GNA14: variants seen among roughly 807,000 people sequenced by gnomAD.
GNA14 encodes guanine nucleotide-binding protein subunit alpha-14.
In GNA14, 50 loss-of-function variants were observed where a neutral mutation model predicts 42.0. The observed-to-expected ratio is 1.19, with a 90% confidence interval of 0.95 to 1.51. The LOEUF is 1.51. Among genes scored for constraint, GNA14 ranks in the 40% most tolerant of loss-of-function variants. The probability of loss-of-function intolerance (pLI) is 0.00; values close to 1 mark genes in which losing one functional copy is unlikely to be tolerated. For missense variants in GNA14, 473 were observed against 446.2 expected, an observed-to-expected ratio of 1.06 and a Z score of -0.54; for synonymous variants, 173 against 163.1, an observed-to-expected ratio of 1.06 and a Z score of -0.46.
chr9:77,527,819 G>C (rs1417374675), intron 2 of GNA14, among the ~76,000 whole-genome samples: 1 of 152,148 alleles, frequency 6.6e-6, no homozygotes, highest in Admixed American at 6.5e-5. Flanking sequence ...AATTTTAGTA[G>C]AGACGGGGTT....
At chr9:77,594,361 T>C (rs1018890428) in intron 1 of GNA14, among the ~76,000 whole-genome samples, 1 of 152,182 alleles carries the variant, frequency 6.6e-6, no homozygotes, top group Non-Finnish European at 1.5e-5. Flanking sequence ...ACCAGCACTC[T>C]CCAGCCACTC....
chr9:77,628,742 A>T (rs908193748), intron 1 of GNA14, among the ~76,000 whole-genome samples: 1 of 152,204 alleles, frequency 6.6e-6, no homozygotes, highest in African/African-American at 2.4e-5. Flanking sequence ...TTAACTCAAG[A>T]TGGATTATAG....
chr9:77,487,878 C>G (rs1398480980), intron 2 of GNA14, among the ~76,000 whole-genome samples: 1 of 152,192 alleles, frequency 6.6e-6, no homozygotes. Flanking sequence ...TCAGATCTCA[C>G]TGTCTCACAG....
At chr9:77,587,147 T>C (rs1172685362) in intron 1 of GNA14, among the ~76,000 whole-genome samples, 3 of 151,948 alleles carry the variant, frequency 2.0e-5, no homozygotes, top group Admixed American at 6.6e-5. Flanking sequence ...AAAGAACAAG[T>C]GTTGATGAGG....
At chr9:77,436,437 A>G (rs569691169) in intron 2 of GNA14, among the ~76,000 whole-genome samples, 3 of 152,326 alleles carry the variant, frequency 2.0e-5, no homozygotes, top group East Asian at 3.9e-4. Flanking sequence ...CAGATGTCTA[A>G]TAAGTATTTC....
intron 1 of GNA14, among the ~76,000 whole-genome samples, chr9:77,535,492 TGAGCC>T (rs1837583659): frequency 2.6e-5 from 4 of 152,104 alleles, no homozygotes; most frequent in Admixed American, 2.0e-4. Flanking sequence ...TGCACTGAGC[TGAGCC>T]GAGATCGCGC....
At chr9:77,438,283 TA>T (rs1276591752) in intron 2 of GNA14, among the ~76,000 whole-genome samples, 1 of 150,008 alleles carries the variant, frequency 6.7e-6, no homozygotes, top group African/African-American at 2.5e-5. Flanking sequence ...TTTTTTTTTT[TA>T]AAGACATAGT....
At chr9:77,494,840 C>T (rs1307792897) in intron 2 of GNA14, among the ~76,000 whole-genome samples, 1 of 152,002 alleles carries the variant, frequency 6.6e-6, no homozygotes, top group Admixed American at 6.6e-5. Context: ...CGCTTTGCTG[C>T]CCAGGCTGGA....
At chr9:77,592,906 G>C (rs115311431) in intron 1 of GNA14, among the ~76,000 whole-genome samples, 55 of 152,032 alleles carry the variant, frequency 3.6e-4, no homozygotes, top group African/African-American at 1.3e-3. Context: ...ACTTTTAACT[G>C]AACAAAAAAA....
Position 77,628,542 on chromosome 9 carries a change from A to C in GNA14, c.124+19128T>G, listed in dbSNP as rs111942761. On this transcript the variant is annotated intron_variant, in intron 1 of 6. Transcript: ENST00000341700. ...ATGGTACTGGTACCAAAACAGATAT[A>C]TAGATCAATGGAACAGAACAGAAGC... Among the ~76,000 whole-genome samples, 662 of 152,336 alleles carry C rather than the reference A, an allele frequency of 4.3e-3. 3 individuals carry two copies. The highest frequency in any genetic ancestry group is 0.015 in the African/African-American group (603 of 41,578).
Position 77,564,454 on chromosome 9 carries a change from T to C in GNA14, c.125-35201A>G, listed in dbSNP as rs183730586. On this transcript the variant is annotated intron_variant, in intron 1 of 6. Transcript: ENST00000341700. ...CATTGATACCCAGAGACTACCAGGA[T>C]GGCTAGACCTAATGAGCTCACTTTT... Among the ~76,000 whole-genome samples the C allele has an allele frequency of 3.9e-3, 589 of 152,288 alleles. 4 individuals are homozygous for C. Among genetic ancestry groups the C allele is most frequent in the Middle Eastern group, 0.014 (4 of 294 alleles).
intron 1 of GNA14, among the ~76,000 whole-genome samples, chr9:77,612,191 G>A (rs529305817): frequency 6.6e-6 from 1 of 152,178 alleles, no homozygotes; most frequent in Non-Finnish European, 1.5e-5. Flanking sequence ...AGTAGCAGCT[G>A]GAAAGTAGAC....
At chr9:77,594,205 G>A (rs1390856894) in intron 1 of GNA14, among the ~76,000 whole-genome samples, 4 of 152,216 alleles carry the variant, frequency 2.6e-5, no homozygotes, top group Non-Finnish European at 5.9e-5. Context: ...AAAAAGTCTT[G>A]AGTATAGAAC....
intron 1 of GNA14, among the ~76,000 whole-genome samples, chr9:77,584,879 G>C (rs891713211): frequency 6.6e-6 from 1 of 152,070 alleles, no homozygotes; most frequent in African/African-American, 2.4e-5. Flanking sequence ...TGTTGCCATG[G>C]CATTTGTAAA....
chr9:77,485,320 A>C (rs908977083), intron 2 of GNA14, among the ~76,000 whole-genome samples: 17 of 152,188 alleles, frequency 1.1e-4, no homozygotes, highest in African/African-American at 4.1e-4. Context: ...TTCAAGTTTT[A>C]TAATGAGATT....
At chr9:77,565,216 C>T (rs528754849) in intron 1 of GNA14, among the ~76,000 whole-genome samples, 3 of 152,174 alleles carry the variant, frequency 2.0e-5, no homozygotes, top group African/African-American at 7.2e-5. Context: ...CTCTGCTGTC[C>T]AGTATAGTAG....
intron 2 of GNA14, among the ~76,000 whole-genome samples, chr9:77,443,782 T>C (rs1835771996): frequency 6.6e-6 from 1 of 152,074 alleles, no homozygotes; most frequent in Non-Finnish European, 1.5e-5. Flanking sequence ...GAGACCAGCG[T>C]AGGCAAAAAA....
intron 1 of GNA14, among the ~76,000 whole-genome samples, chr9:77,569,665 C>G (rs147971597): frequency 2.0e-5 from 3 of 152,092 alleles, no homozygotes; most frequent in African/African-American, 7.2e-5. Flanking sequence ...GTTTCTCCCC[C>G]GGGTTCAATA....
intron 1 of GNA14, among the ~76,000 whole-genome samples, chr9:77,607,337 T>A (rs1823657585): frequency 6.6e-6 from 1 of 152,066 alleles, no homozygotes; most frequent in South Asian, 2.1e-4. Context: ...TGCTGATGAA[T>A]CCTAAAAGAA....
Sources: allele counts gnomAD v4.1 joint callset (sites outside exome capture counted in the v4.1 genomes callset), GRCh38; gene constraint gnomAD v4.1.1; transcripts MANE v1.5; gene names NCBI Gene and HGNC (gene_info 2026-07-23, HGNC 2026-07-21).